The following TNRC6C variants were observed in gnomAD, a reference collection of about 807,000 sequenced individuals.
The protein encoded by TNRC6C is trinucleotide repeat containing adaptor 6C, also known as trinucleotide repeat-containing gene 6C protein.
In TNRC6C, 20 loss-of-function variants were observed where a neutral mutation model predicts 153.7. The ratio of observed to expected loss-of-function variants is 0.13; its 90% CI spans 0.09 to 0.19. The LOEUF (loss-of-function observed/expected upper bound fraction) is 0.19. TNRC6C is among the 10% of genes least tolerant of loss of function. TNRC6C has a pLI of 1.00. For synonymous variants in TNRC6C, 811 were observed against 841.4 expected (o/e 0.96, Z 0.63); for missense variants, 1,987 against 2,172.0 (o/e 0.91, Z 1.69).
chr17:77,960,059 G>A (rs2070849056), intron 1 of TNRC6C, among the ~76,000 whole-genome samples: 1 of 152,148 alleles, frequency 6.6e-6, no homozygotes, highest in Non-Finnish European at 1.5e-5. Context: ...TGTTGTGCCG[G>A]GAGGTAGGGG....
At chr17:78,048,796 G>T in intron 2 of TNRC6C, 49 bp from the exon 5 acceptor site, 1 of 1,231,574 alleles carries the variant, frequency 8.1e-7, no homozygotes, top group South Asian at 4.1e-5. Flanking sequence ...TTGATTCATT[G>T]ACAAATGAGT....
intron 1 of TNRC6C, among the ~76,000 whole-genome samples, chr17:77,972,179 C>G (rs545680474): frequency 6.6e-6 from 1 of 151,876 alleles, no homozygotes; most frequent in African/African-American, 2.4e-5. Flanking sequence ...CTAGACTGAC[C>G]AAGAGAAAAC....
intron 1 of TNRC6C, among the ~76,000 whole-genome samples, chr17:77,992,154 G>A (rs2071260877): frequency 6.6e-6 from 1 of 152,170 alleles, no homozygotes; most frequent in Admixed American, 6.5e-5. Flanking sequence ...CTTTGCAGTT[G>A]GAACTCGGTA....
At chr17:77,989,729 C>T (rs1424893690) in intron 1 of TNRC6C, among the ~76,000 whole-genome samples, 1 of 152,142 alleles carries the variant, frequency 6.6e-6, no homozygotes, top group Non-Finnish European at 1.5e-5. Flanking sequence ...CATTGTGTGG[C>T]CAGTTATTAA....
intron 1 of TNRC6C, among the ~76,000 whole-genome samples, chr17:78,021,368 T>C (rs1399395428): frequency 6.6e-6 from 1 of 152,260 alleles, no homozygotes; most frequent in Admixed American, 6.5e-5. Flanking sequence ...CCTGATGTGC[T>C]TGTGCTCGTT....
At chr17:78,006,077 T>G (rs919009593) in intron 1 of TNRC6C, among the ~76,000 whole-genome samples, 1 of 152,190 alleles carries the variant, frequency 6.6e-6, no homozygotes, top group African/African-American at 2.4e-5. Flanking sequence ...AAAGTTAAGG[T>G]TATGTGTATT....
intron 13 of TNRC6C, among the ~76,000 whole-genome samples, 180 bp downstream of exon 15, chr17:78,087,273 T>A (rs796742561): frequency 1.2e-4 from 19 of 152,162 alleles, no homozygotes; most frequent in Admixed American, 7.9e-4. Flanking sequence ...TTTTTAATTT[T>A]AAAAAAATTT....
chr17:78,089,393 T>C (rs1000982881), intron 13 of TNRC6C, among the ~76,000 whole-genome samples: 10 of 152,236 alleles, frequency 6.6e-5, no homozygotes, highest in Non-Finnish European at 1.5e-5. Context: ...AAGTTATAAA[T>C]GTATTAAAAG....
At chr17:78,051,902 G>A (rs2072544756) in intron 3 of TNRC6C, among the ~76,000 whole-genome samples, 1 of 152,204 alleles carries the variant, frequency 6.6e-6, no homozygotes, top group African/African-American at 2.4e-5. Flanking sequence ...AGCTCCAAGT[G>A]TCCAGTGAGG....
exon 9 of TNRC6C, chr17:78,077,248 C>T (rs1160544401): frequency 6.2e-7 from 1 of 1,601,340 alleles, no homozygotes; most frequent in Admixed American, 1.7e-5. Flanking sequence ...CCTGAAGCTC[C>T]CCCTTTCACA....
intron 1 of TNRC6C, among the ~76,000 whole-genome samples, chr17:77,996,582 A>T (rs1200157094): frequency 6.6e-6 from 1 of 152,196 alleles, no homozygotes; most frequent in African/African-American, 2.4e-5. Context: ...AAGCACTGAG[A>T]TACCAGGCTG....
At position 78,075,388 on chromosome 17, in the gene TNRC6C, TAA is replaced by T; in HGVS notation, c.3060+111_3060+112del. The stretch of plus-strand genomic sequence containing the variant: ...TAAAAACTTGCTGGACTATAATACT[TAA>T]GTGACTTTTATCCATTTTTTTCTAA... On this transcript the variant is annotated intron_variant, in intron 8 of 19. Coordinates refer to ENST00000301624, the Ensembl canonical transcript of TNRC6C. The surrounding 1 kb of genome is among the most constrained non-coding windows in gnomAD (Gnocchi z 4.2). The T allele has an allele frequency of 3.1e-6, 4 of 1,290,970 alleles. No individual in the cohort carries two copies. The highest frequency in any genetic ancestry group is 3.1e-6 in the Non-Finnish European group (3 of 957,784). 80.0% of individuals were successfully genotyped at this position (1,290,970 alleles called of 1,614,324 possible). A position where few individuals can be genotyped will look rare whatever the true frequency, so the allele number is the denominator to read the frequency against.
At chr17:77,979,201 A>G (rs536814309) in intron 1 of TNRC6C, among the ~76,000 whole-genome samples, 1 of 152,250 alleles carries the variant, frequency 6.6e-6, no homozygotes, top group Non-Finnish European at 1.5e-5. Context: ...GAAAAGTGCA[A>G]TATAGGGTGA....
At chr17:77,994,659 CT>C (rs1182899329) in intron 1 of TNRC6C, among the ~76,000 whole-genome samples, 1 of 152,030 alleles carries the variant, frequency 6.6e-6, no homozygotes, top group African/African-American at 2.4e-5. Context: ...TTTGTCCTTT[CT>C]TTTTTGTAAT....
At chr17:78,005,116 C>T (rs1015973452) in intron 1 of TNRC6C, 37 bp downstream of exon 3, 25 of 1,218,656 alleles carry the variant, frequency 2.1e-5, no homozygotes, top group Non-Finnish European at 1.6e-5. Context: ...ACATTTATGG[C>T]GGTACCAAAA....
chr17:78,053,890 C>T (rs2072589868), intron 3 of TNRC6C, among the ~76,000 whole-genome samples: 1 of 152,004 alleles, frequency 6.6e-6, no homozygotes, highest in Non-Finnish European at 1.5e-5. Context: ...CAAAAAAGCT[C>T]CAGGAACAGA....
At chr17:78,081,503 G>A (rs573114519) in intron 10 of TNRC6C, among the ~76,000 whole-genome samples, 1 of 152,140 alleles carries the variant, frequency 6.6e-6, no homozygotes, top group East Asian at 1.9e-4. Context: ...TATTCATTAG[G>A]ATATAGGATA....
intron 1 of TNRC6C, among the ~76,000 whole-genome samples, chr17:77,979,080 C>T (rs1018791110): frequency 2.6e-5 from 4 of 152,104 alleles, no homozygotes; most frequent in African/African-American, 9.7e-5. Context: ...GGTTATCAGA[C>T]ATGGACCTTA....
chr17:77,967,032 CT>C (rs1198901966), intron 1 of TNRC6C, among the ~76,000 whole-genome samples: 1 of 152,020 alleles, frequency 6.6e-6, no homozygotes, highest in Non-Finnish European at 1.5e-5. Context: ...ATAATAGATT[CT>C]TTTTTACTCC....
Sources: allele counts gnomAD v4.1 joint callset (sites outside exome capture counted in the v4.1 genomes callset), GRCh38; gene constraint gnomAD v4.1.1; non-coding constraint Gnocchi (gnomAD v3.1); transcripts MANE v1.5; gene names NCBI Gene and HGNC (gene_info 2026-07-23, HGNC 2026-07-21).